The following KIF6 variants were observed in gnomAD, a reference collection of about 807,000 sequenced individuals.
KIF6 encodes the protein kinesin-like protein KIF6.
In KIF6, 106 loss-of-function variants were observed where a neutral mutation model predicts 112.7. That is an observed-to-expected ratio of 0.94 (90% CI 0.80 to 1.11). The LOEUF (loss-of-function observed/expected upper bound fraction) is 1.11, where lower values mean the gene tolerates loss of function less well. Ranked by LOEUF, KIF6 falls within the 50% of genes least tolerant of loss-of-function variation. The pLI is 0.00. For synonymous variants in KIF6, 339 were observed against 339.9 expected (o/e 1.00, Z 0.03); for missense variants, 929 against 964.0 (o/e 0.96, Z 0.48).
chr6:39,596,226 C>T lies in KIF6; in HGVS notation c.674G>A (p.Cys225Tyr), dbSNP rs749113923. ...PMNQASTRSH[C>Y]IFTIHLSSKE... ...GCTTGACAAATGAATGGTGAAAATG[C>T]AGTGGGAACGGGTTGAAGCTTGGTT... The change falls in exon 7 of 23, where the codon TGC becomes TAC. Residue 225 changes from cysteine (C) to tyrosine (Y), a missense_variant. Coordinates refer to ENST00000287152, the MANE Select transcript of KIF6 (RefSeq NM_145027.6). 2 of 1,613,920 alleles carry T rather than the reference C, an allele frequency of 1.2e-6. No individual in the cohort carries two copies. Among genetic ancestry groups the T allele is most frequent in the Non-Finnish European group, 1.7e-6 (2 of 1,179,944 alleles).
At chr6:39,367,534 C>T (rs983550179) in intron 16 of KIF6, among the ~76,000 whole-genome samples, 4 of 152,064 alleles carry the variant, frequency 2.6e-5, no homozygotes, top group African/African-American at 4.8e-5. Flanking sequence ...CTGAATGGCA[C>T]ACAGGAAGAA....
At chr6:39,620,062 T>C (rs1469366085) in intron 5 of KIF6, among the ~76,000 whole-genome samples, 1 of 152,164 alleles carries the variant, frequency 6.6e-6, no homozygotes, top group Non-Finnish European at 1.5e-5. Flanking sequence ...TTTGCATGCT[T>C]TTCCAAAAGT....
At chr6:39,556,875 T>G (rs996295836) in intron 10 of KIF6, among the ~76,000 whole-genome samples, 1 of 152,210 alleles carries the variant, frequency 6.6e-6, no homozygotes, top group African/African-American at 2.4e-5. Context: ...TAGTGGAAGC[T>G]TTACCCATCC....
chr6:39,384,771 A>G (rs1416678300), intron 16 of KIF6, among the ~76,000 whole-genome samples: 1 of 152,158 alleles, frequency 6.6e-6, no homozygotes, highest in Non-Finnish European at 1.5e-5. Context: ...TCTGGAATAC[A>G]TGAATTTCTT....
At chr6:39,478,297 T>C (rs1310436089) in intron 13 of KIF6, among the ~76,000 whole-genome samples, 1 of 152,368 alleles carries the variant, frequency 6.6e-6, no homozygotes, top group South Asian at 2.1e-4. Flanking sequence ...ATATGATGTT[T>C]GGTCTTCCAT....
At chr6:39,410,950 G>T (rs925801805) in intron 15 of KIF6, among the ~76,000 whole-genome samples, 4 of 152,158 alleles carry the variant, frequency 2.6e-5, no homozygotes, top group Admixed American at 6.5e-5. Context: ...TAGTTTCCTG[G>T]ACCAGAGGTG....
chr6:39,703,438 T>C (rs1344175534), intron 3 of KIF6, among the ~76,000 whole-genome samples: 1 of 152,102 alleles, frequency 6.6e-6, no homozygotes. Context: ...AATAATAATA[T>C]CTATCAACCC....
intron 3 of KIF6, among the ~76,000 whole-genome samples, chr6:39,706,453 C>A (rs1193397937): frequency 1.3e-5 from 2 of 152,136 alleles, no homozygotes; most frequent in African/African-American, 4.8e-5. Flanking sequence ...TGGAGCTTGT[C>A]AAGGTCATCA....
chr6:39,389,551 G>A (rs1227103408), intron 15 of KIF6, among the ~76,000 whole-genome samples: 1 of 152,166 alleles, frequency 6.6e-6, no homozygotes, highest in African/African-American at 2.4e-5. Context: ...TAGGTGGCCC[G>A]TGTGCTCTTT....
At chr6:39,536,014 A>AT (rs1254704711) in intron 13 of KIF6, among the ~76,000 whole-genome samples, 2 of 151,842 alleles carry the variant, frequency 1.3e-5, no homozygotes, top group Non-Finnish European at 2.9e-5. Context: ...TTTGAAACCA[A>AT]CAGGAACAAA....
intron 13 of KIF6, among the ~76,000 whole-genome samples, chr6:39,503,064 C>T (rs567034215): frequency 6.6e-6 from 1 of 152,236 alleles, no homozygotes; most frequent in East Asian, 1.9e-4. Context: ...ACAGCACTTA[C>T]TCTAAAATTG....
At chr6:39,704,640 G>C (rs763799951) in intron 3 of KIF6, among the ~76,000 whole-genome samples, 6 of 151,938 alleles carry the variant, frequency 3.9e-5, no homozygotes, top group Non-Finnish European at 8.8e-5. Context: ...AGCAAAGCTA[G>C]AACAGAGAAA....
intron 1 of KIF6, among the ~76,000 whole-genome samples, chr6:39,721,454 T>C (rs1227858176): frequency 6.6e-6 from 1 of 152,200 alleles, no homozygotes; most frequent in Non-Finnish European, 1.5e-5. Context: ...TCTAAGCTGA[T>C]ATGGAAATAG....
At position 39,337,221 on chromosome 6, in the gene KIF6, TTC is replaced by T. The variant is rs1350429427; in HGVS notation, c.2429-675_2429-674del. On this transcript the variant is annotated intron_variant, in intron 22 of 22. Transcript: ENST00000287152. ...TTTCTTTCTTTCTTTCTTTCTTTCT[TTC>T]TTTCTTTCTTTCTTTTTCTTTCTTT... Among the ~76,000 whole-genome samples, 313 of 118,048 alleles carry T rather than the reference TTC, an allele frequency of 2.7e-3. 9 individuals are homozygous for T. Among genetic ancestry groups the T allele is most frequent in the African/African-American group, 0.013 (264 of 20,530 alleles). The allele number at this position is 118,048 out of a possible 152,430, so 77.4% of individuals were successfully genotyped here.
chr6:39,343,782 G>A lies in KIF6; in HGVS notation c.2355C>T (p.Leu785=), dbSNP rs1413570620. 12 of 1,612,624 alleles carry A rather than the reference G, an allele frequency of 7.4e-6. No individual in the cohort carries two copies. Among genetic ancestry groups the A allele is most frequent in the Non-Finnish European group, 1.0e-5 (12 of 1,179,462 alleles). The change falls in exon 22 of 23, where the codon CTC becomes CTT. Residue 785 remains leucine, a synonymous_variant. Coordinates refer to ENST00000287152, the MANE Select transcript of KIF6 (RefSeq NM_145027.6). The surrounding 1 kb of genome is among the most constrained non-coding windows in gnomAD (Gnocchi z 4.1). ...CCGAGTCCGTCTGGCTGTCTCCGGTGAGAGGGATGGACGACACTGGCCTCT... is the reference window on the plus strand; with the variant it reads ...CCGAGTCCGTCTGGCTGTCTCCGGTAAGAGGGATGGACGACACTGGCCTCT... ...IPKRPVSSIP[L]TGDSQTDSDI...
At chr6:39,366,115 G>C (rs1467181358) in intron 16 of KIF6, among the ~76,000 whole-genome samples, 1 of 152,212 alleles carries the variant, frequency 6.6e-6, no homozygotes, top group African/African-American at 2.4e-5. Flanking sequence ...GGGAGCCTTA[G>C]GCAAGGAGCA....
chr6:39,592,487 T>C (rs1342125997), intron 7 of KIF6, among the ~76,000 whole-genome samples: 3 of 152,232 alleles, frequency 2.0e-5, no homozygotes, highest in Admixed American at 6.5e-5. Context: ...GTCCCATTTA[T>C]GTTGAATAAA....
intron 3 of KIF6, among the ~76,000 whole-genome samples, chr6:39,660,690 C>T (rs1786089215): frequency 6.6e-6 from 1 of 152,128 alleles, no homozygotes; most frequent in Non-Finnish European, 1.5e-5. Context: ...TCAGTCTAAG[C>T]ACAGTCAGCA....
chr6:39,518,949 C>A (rs1274818407), intron 13 of KIF6, among the ~76,000 whole-genome samples: 1 of 152,174 alleles, frequency 6.6e-6, no homozygotes, highest in African/African-American at 2.4e-5. Flanking sequence ...GCTCATCATG[C>A]AGTGAAGATG....
Sources: allele counts gnomAD v4.1 joint callset (sites outside exome capture counted in the v4.1 genomes callset), GRCh38; gene constraint gnomAD v4.1.1; non-coding constraint Gnocchi (gnomAD v3.1); transcripts MANE v1.5; gene names NCBI Gene and HGNC (gene_info 2026-07-23, HGNC 2026-07-21).